The following DAZAP1 variants were observed in gnomAD, a reference collection of about 807,000 sequenced individuals.
The protein encoded by DAZAP1 is DAZ-associated protein 1.
In DAZAP1, 6 loss-of-function variants were observed where a neutral mutation model predicts 60.1. The observed-to-expected ratio is 0.10, with a 90% CI of 0.05 to 0.20. DAZAP1 has a LOEUF of 0.20. DAZAP1 is among the 10% of genes least tolerant of loss of function. The probability of loss-of-function intolerance (pLI) is 1.00; values close to 1 mark genes in which losing one functional copy is unlikely to be tolerated. For synonymous variants in DAZAP1, 235 were observed against 215.9 expected, an observed-to-expected ratio of 1.09 and a Z score of -0.78; for missense variants, 366 against 560.4, an observed-to-expected ratio of 0.65 and a Z score of 3.50.
intron 10 of DAZAP1, among the ~76,000 whole-genome samples, chr19:1,431,711 C>T (rs2083457129): frequency 6.6e-6 from 1 of 152,206 alleles, no homozygotes; most frequent in Non-Finnish European, 1.5e-5. Flanking sequence ...GTCTTGGCAC[C>T]CTCCAGTAGA....
intron 1 of DAZAP1, among the ~76,000 whole-genome samples, chr19:1,410,933 C>T (rs1431925641): frequency 6.6e-6 from 1 of 152,222 alleles, no homozygotes; most frequent in Non-Finnish European, 1.5e-5. Context: ...TCGAGGATAC[C>T]CAGGACTGTG....
At position 1,408,864 on chromosome 19, in the gene DAZAP1, C is replaced by T. The variant is rs1190392069; in HGVS notation, c.29+1062C>T. Among the ~76,000 whole-genome samples, 5 of 152,296 alleles carry T rather than the reference C, an allele frequency of 3.3e-5. No individual in the cohort carries two copies. In the East Asian group the frequency reaches 7.7e-4, roughly 24 times the overall value. On this transcript the variant is annotated intron_variant, in intron 1 of 11. Transcript: ENST00000233078. The stretch of plus-strand genomic sequence containing the variant: ...ACGTCGTTTTAGAGTTGCATTCTTC[C>T]GGCAAAACAGTCTGGGTTGGGTTTC...
chr19:1,434,640 A>G lies in DAZAP1; in HGVS notation c.1049-97A>G. On this transcript the variant is annotated intron_variant, in intron 11 of 11. Coordinates refer to ENST00000233078, the MANE Select transcript of DAZAP1 (RefSeq NM_018959.4). The surrounding 1 kb of genome is among the most constrained non-coding windows in gnomAD (Gnocchi z 8.0). ...CGCACCCCGTGGGACCCGTGGACTC[A>G]AGGCAGGCTCGGCGGAGCTGTGTCC... The G allele has an allele frequency of 7.2e-7, 1 of 1,379,418 alleles. No homozygotes were observed. The highest frequency in any genetic ancestry group is 1.5e-5 in the African/African-American group (1 of 68,600). 85.4% of individuals were successfully genotyped at this position (1,379,418 alleles called of 1,614,324 possible). A position where few individuals can be genotyped will look rare whatever the true frequency, so the allele number is the denominator to read the frequency against.
chr19:1,431,646 C>G (rs2083455484), intron 10 of DAZAP1, among the ~76,000 whole-genome samples: 1 of 152,178 alleles, frequency 6.6e-6, no homozygotes, highest in South Asian at 2.1e-4. Context: ...TCAGGCTGGT[C>G]TTGAACTCCT....
rs1052240338 is a variant in DAZAP1 at position 1,424,886 on chromosome 19, G to A, written c.464-992G>A. Among the ~76,000 whole-genome samples, 5 of 152,290 alleles carry A rather than the reference G, an allele frequency of 3.3e-5. No individual in the cohort carries two copies. In the South Asian group the frequency reaches 8.3e-4, roughly 25 times the overall value. On this transcript the variant is annotated intron_variant, in intron 6 of 11. Transcript: ENST00000233078. ...TCGGGAGGACGGTGTGCTTTGCGGT[G>A]TCACGCTCCACCTAGCCGGGGAGGC... is the stretch of plus-strand genomic sequence containing the variant.
At chr19:1,417,131 A>G in intron 1 of DAZAP1, 1 of 268,806 alleles carries the variant, frequency 3.7e-6, no homozygotes, top group South Asian at 3.7e-5. Context: ...CTTTTTCCTG[A>G]TTATAAAATA....
At position 1,432,271 on chromosome 19, in the gene DAZAP1, G is replaced by C; in HGVS notation, c.872-243G>C. On this transcript the variant is annotated intron_variant, in intron 10 of 11. Transcript: ENST00000233078. The surrounding 1 kb of genome is among the most constrained non-coding windows in gnomAD (Gnocchi z 4.9). ...ACCTGGCGGCTGCTCCGTGAGGAAC[G>C]AGGTGGCCCTGCTGCAGCTCAGCAT... The C allele has an allele frequency of 1.8e-6, 1 of 545,734 alleles. No homozygotes were observed. The highest frequency in any genetic ancestry group is 3.2e-6 in the Non-Finnish European group (1 of 307,924). 33.8% of individuals were successfully genotyped at this position (545,734 alleles called of 1,614,324 possible).
In DAZAP1 at chr19:1,434,624, TG is replaced by T; in HGVS notation, c.1049-110del. On this transcript the variant is annotated intron_variant, in intron 11 of 11. Coordinates refer to ENST00000233078, the MANE Select transcript of DAZAP1 (RefSeq NM_018959.4). The surrounding 1 kb of genome is among the most constrained non-coding windows in gnomAD (Gnocchi z 8.0). ...TCAGAAGGGCCCCACCCGCACCCCG[TG>T]GGACCCGTGGACTCAAGGCAGGCTC... The T allele has an allele frequency of 8.6e-7, 1 of 1,158,626 alleles. No individual in the cohort carries two copies. The highest frequency in any genetic ancestry group is 1.2e-6 in the Non-Finnish European group (1 of 803,804). 71.8% of individuals were successfully genotyped at this position (1,158,626 alleles called of 1,614,324 possible).
intron 1 of DAZAP1, 162 bp from the exon 2 acceptor site, chr19:1,417,338 G>A: frequency 1.3e-6 from 1 of 763,672 alleles, no homozygotes. Flanking sequence ...CATGGGCGAG[G>A]CTGACTCGCC....
chr19:1,409,156 C>T (rs1042959885), intron 1 of DAZAP1, among the ~76,000 whole-genome samples: 2 of 152,246 alleles, frequency 1.3e-5, no homozygotes, highest in African/African-American at 4.8e-5. Context: ...TGAGTCCTCT[C>T]CAGGCACTTT....
At chr19:1,408,011 G>A (rs1299628941) in intron 1 of DAZAP1, among the ~76,000 whole-genome samples, 1 of 151,890 alleles carries the variant, frequency 6.6e-6, no homozygotes, top group African/African-American at 2.4e-5. Context: ...CCCCGCCGCC[G>A]CTTCCCGGCT....
In DAZAP1 at chr19:1,429,002, C is replaced by A; in HGVS notation, c.700+7C>A. The A allele has an allele frequency of 1.3e-6, 2 of 1,579,394 alleles. No homozygotes were observed. ...CAAGGATATGGCCCGCAAGGTAAGG[C>A]TGATGCAGAGGTGCCCACGGGAATG... On this transcript the variant is annotated splice_region_variant and intron_variant, in intron 8 of 11. Coordinates refer to ENST00000233078, the MANE Select transcript of DAZAP1 (RefSeq NM_018959.4).
intron 1 of DAZAP1, among the ~76,000 whole-genome samples, chr19:1,413,711 C>A (rs906882042): frequency 1.3e-5 from 2 of 152,096 alleles, no homozygotes; most frequent in African/African-American, 2.4e-5. Context: ...CCGAGGCGGG[C>A]GGGTCACCTG....
chr19:1,409,158 AG>A (rs1237733880), intron 1 of DAZAP1, among the ~76,000 whole-genome samples: 3 of 152,250 alleles, frequency 2.0e-5, no homozygotes, highest in African/African-American at 7.2e-5. Context: ...AGTCCTCTCC[AG>A]GCACTTTGAC....
At position 1,428,607 on chromosome 19, in the gene DAZAP1, G is replaced by A. The variant is rs1428793510; in HGVS notation, c.547-235G>A. 1 of 519,050 alleles carries A rather than the reference G, an allele frequency of 1.9e-6. No individual in the cohort carries two copies. Among genetic ancestry groups the A allele is most frequent in the Non-Finnish European group, 3.3e-6 (1 of 301,180 alleles). The allele number at this position is 519,050 out of a possible 1,614,324, so 32.2% of individuals were successfully genotyped here. On this transcript the variant is annotated intron_variant, in intron 7 of 11. Transcript: ENST00000233078. This position sits in a 1 kb window ranked among gnomAD's most constrained non-coding sequence, Gnocchi z 4.0. ...CTGCCCCGCAGTGGGCGGGCTCTGT[G>A]TGTCTTACGGTTGCATCTGTTGTAC...
intron 4 of DAZAP1, among the ~76,000 whole-genome samples, chr19:1,420,388 CCCGA>C (rs2083119769): frequency 6.6e-6 from 1 of 151,848 alleles, no homozygotes; most frequent in Non-Finnish European, 1.5e-5. Context: ...ATGAAACCAT[CCCGA>C]CCGTCACGGC....
In DAZAP1 at chr19:1,432,844, A is replaced by C. The variant is rs2083488811; in HGVS notation, c.1048+154A>C. 8.1e-6 allele frequency: 7 copies of C among 869,068 alleles called. No homozygotes were observed. Among genetic ancestry groups the C allele is most frequent in the Middle Eastern group, 3.0e-4 (1 of 3,298 alleles). The allele number at this position is 869,068 out of a possible 1,614,324, so 53.8% of individuals were successfully genotyped here. A position where few individuals can be genotyped will look rare whatever the true frequency, so the allele number is the denominator to read the frequency against. On this transcript the variant is annotated intron_variant, in intron 11 of 11. Transcript: ENST00000233078. The surrounding 1 kb of genome is among the most constrained non-coding windows in gnomAD (Gnocchi z 4.9). ...GAGGGGGGTGTGGGGGTTGTTGGAG[A>C]GATCTCGTGGCAACTCGGGTCCAGC...
chr19:1,412,289 G>C (rs2082854083), intron 1 of DAZAP1, among the ~76,000 whole-genome samples: 1 of 152,206 alleles, frequency 6.6e-6, no homozygotes, highest in Non-Finnish European at 1.5e-5. Flanking sequence ...GCCTGAGGCA[G>C]TGGGTGAAGT....
intron 1 of DAZAP1, among the ~76,000 whole-genome samples, chr19:1,413,243 TC>T (rs2082879447): frequency 6.6e-6 from 1 of 152,240 alleles, no homozygotes; most frequent in Non-Finnish European, 1.5e-5. Flanking sequence ...CCTTTTGGCC[TC>T]TGCCCGCGCC....
Sources: allele counts gnomAD v4.1 joint callset (sites outside exome capture counted in the v4.1 genomes callset), GRCh38; gene constraint gnomAD v4.1.1; non-coding constraint Gnocchi (gnomAD v3.1); transcripts MANE v1.5; gene names NCBI Gene and HGNC (gene_info 2026-07-23, HGNC 2026-07-21).